The following GDAP2 variants were observed in gnomAD, a reference collection of about 807,000 sequenced individuals.
The protein encoded by GDAP2 is ganglioside induced differentiation associated protein 2, also known as ganglioside-induced differentiation-associated protein 2.
GDAP2 carries 51 observed loss-of-function variants against 67.0 expected under a neutral mutation model. That is an observed-to-expected ratio of 0.76 (90% CI 0.61 to 0.96). The LOEUF (loss-of-function observed/expected upper bound fraction) is 0.96, where lower values mean the gene tolerates loss of function less well. Among genes scored for constraint, GDAP2 ranks in the 40% least tolerant of loss-of-function variants. The probability of loss-of-function intolerance (pLI) is 0.00; values close to 1 mark genes in which losing one functional copy is unlikely to be tolerated. For synonymous variants in GDAP2, 203 were observed against 207.3 expected, an observed-to-expected ratio of 0.98 and a Z score of 0.18; for missense variants, 547 against 588.3, an observed-to-expected ratio of 0.93 and a Z score of 0.73.
intron 7 of GDAP2, among the ~76,000 whole-genome samples, chr1:117,898,671 A>G (rs1197488641): frequency 6.6e-6 from 1 of 152,182 alleles, no homozygotes; most frequent in African/African-American, 2.4e-5. Context: ...AACAAAATGA[A>G]TGGTTATAAT....
chr1:117,913,762 C>T (rs1223190807), intron 3 of GDAP2, among the ~76,000 whole-genome samples: 3 of 152,204 alleles, frequency 2.0e-5, no homozygotes, highest in South Asian at 2.1e-4. Context: ...CTGAATGCTT[C>T]GGTTCCCTCA....
In GDAP2 at chr1:117,923,927, C is replaced by T. The variant is rs145898724; in HGVS notation, c.-67-3503G>A. ...CTACAAGTCCCCCATCCAACCTTTC[C>T]TTTTCTGTAAAATTTATCTGCTGAA... On this transcript the variant is annotated intron_variant, in intron 1 of 13. Transcript: ENST00000369443. 8.8e-4 allele frequency among the ~76,000 whole-genome samples: 134 copies of T among 152,310 alleles called. 1 individual carries two copies. The East Asian group carries it at 0.014, about 16-fold the overall frequency.
At chr1:117,907,528 T>C (rs905243064) in intron 5 of GDAP2, among the ~76,000 whole-genome samples, 1 of 152,226 alleles carries the variant, frequency 6.6e-6, no homozygotes, top group African/African-American at 2.4e-5. Flanking sequence ...CCTTTTTACC[T>C]ACATTCCTTA....
rs192042033 is a variant in GDAP2 at position 117,908,250 on chromosome 1, G to A, written c.560-1668C>T. Among the ~76,000 whole-genome samples the A allele has an allele frequency of 7.0e-3, 1,060 of 152,060 alleles. 10 individuals carry two copies. Among genetic ancestry groups the A allele is most frequent in the Non-Finnish European group, 0.01 (689 of 67,984 alleles). On this transcript the variant is annotated intron_variant, in intron 5 of 13. Coordinates refer to ENST00000369443, the MANE Select transcript of GDAP2 (RefSeq NM_017686.4). ...CTAGACTAAGCTTTTTGAAGACCAA[G>A]TATATTTTATATTAATATTACTTTA...
At chr1:117,918,070 A>G in intron 3 of GDAP2, among the ~76,000 whole-genome samples, 1 of 152,208 alleles carries the variant, frequency 6.6e-6, no homozygotes, top group East Asian at 1.9e-4. Context: ...GTCAGTGTTA[A>G]ATGATAGAAG....
At chr1:117,926,990 C>A (rs1650470929) in intron 1 of GDAP2, among the ~76,000 whole-genome samples, 1 of 134,222 alleles carries the variant, frequency 7.5e-6, no homozygotes, top group Admixed American at 7.6e-5. Flanking sequence ...TAAACAAACA[C>A]TAAGCCCTAG....
chr1:117,871,105 T>A (rs1175392564), intron 13 of GDAP2, among the ~76,000 whole-genome samples: 1 of 152,164 alleles, frequency 6.6e-6, no homozygotes, highest in Non-Finnish European at 1.5e-5. Context: ...AATTTAGAGT[T>A]AGGAAAACAA....
At chr1:117,887,904 A>G in intron 8 of GDAP2, 130 bp from the exon 9 acceptor site, 1 of 602,776 alleles carries the variant, frequency 1.7e-6, no homozygotes, top group Non-Finnish European at 3.0e-6. Context: ...ATAGGGAAGG[A>G]GTTAAAGAAG....
intron 5 of GDAP2, among the ~76,000 whole-genome samples, chr1:117,910,611 G>A (rs960025817): frequency 6.6e-6 from 1 of 152,082 alleles, no homozygotes; most frequent in African/African-American, 2.4e-5. Flanking sequence ...TGGATATAAG[G>A]CTTTCAGCTC....
Position 117,886,623 on chromosome 1 carries a change from A to G in GDAP2, c.1061T>C (p.Val354Ala). ...TACAGGAATGTTTCTTCCAACTACC[A>G]CCATCACTGTTCGACCACAGTTATC... Reference protein sequence around the residue: ...GVDNCGRTVMVVVGRNIPVTL... With the variant: ...GVDNCGRTVMAVVGRNIPVTL... The change falls in exon 10 of 14, where the codon GTG (valine) becomes GCG (alanine). Residue 354 changes from valine (V) to alanine (A), a missense_variant. Transcript: ENST00000369443. The G allele has an allele frequency of 6.3e-7, 1 of 1,593,516 alleles. No homozygotes were observed. The highest frequency in any genetic ancestry group is 8.6e-7 in the Non-Finnish European group (1 of 1,161,526).
intron 5 of GDAP2, among the ~76,000 whole-genome samples, chr1:117,909,850 A>T (rs1649790288): frequency 1.3e-5 from 2 of 152,190 alleles, no homozygotes; most frequent in African/African-American, 4.8e-5. Context: ...TTGGACTGGT[A>T]GAATTAGAAC....
chr1:117,882,721 G>A (rs974246223), intron 11 of GDAP2, among the ~76,000 whole-genome samples: 15 of 152,112 alleles, frequency 9.9e-5, no homozygotes, highest in Admixed American at 9.8e-4. Context: ...GCTAATGAAA[G>A]CTTTAATATT....
chr1:117,876,454 G>C (rs372455129), intron 13 of GDAP2, among the ~76,000 whole-genome samples: 9 of 152,090 alleles, frequency 5.9e-5, no homozygotes, highest in African/African-American at 2.2e-4. Context: ...TTAGCCTCAG[G>C]TATTCCCTTA....
intron 13 of GDAP2, among the ~76,000 whole-genome samples, chr1:117,875,882 G>A (rs1328499874): frequency 6.6e-6 from 1 of 152,158 alleles, no homozygotes; most frequent in Non-Finnish European, 1.5e-5. Flanking sequence ...TATCTTGGAA[G>A]CAAATAATTT....
chr1:117,863,728 C>T lies in GDAP2; in HGVS notation c.*6841G>A, dbSNP rs942068758. 3.3e-5 allele frequency: 5 copies of T among 152,078 alleles called. No homozygotes were observed. The highest frequency in any genetic ancestry group is 1.9e-4 in the East Asian group (1 of 5,200). 9.4% of individuals were successfully genotyped at this position (152,078 alleles called of 1,614,324 possible). On this transcript the variant is annotated 3_prime_UTR_variant, in exon 14 of 14. Coordinates refer to ENST00000369443, the MANE Select transcript of GDAP2 (RefSeq NM_017686.4). ...TTAAATTATGTTTTATAAAAGCATG[C>T]GCTTTGGAGTCAGATCTGGATTTGA...
At position 117,897,067 on chromosome 1, in the gene GDAP2, A is replaced by G. The variant is rs528443437; in HGVS notation, c.797-78T>C. ...AAACATTGTGAATGCTGCAGTAAGG[A>G]TGACAGTGAGGTAACTCAAAAAACT... On this transcript the variant is annotated intron_variant, in intron 7 of 13. Transcript: ENST00000369443. 208 of 1,005,700 alleles carry G rather than the reference A, an allele frequency of 2.1e-4. 4 individuals are homozygous for G. In the South Asian group the frequency reaches 3.6e-3, roughly 18 times the overall value. The allele number at this position is 1,005,700 out of a possible 1,614,324, so 62.3% of individuals were successfully genotyped here. A position where few individuals can be genotyped will look rare whatever the true frequency, so the allele number is the denominator to read the frequency against.
chr1:117,906,626 C>G (rs777571846), intron 5 of GDAP2, 44 bp from the exon 6 acceptor site: 36 of 1,016,390 alleles, frequency 3.5e-5, no homozygotes, highest in Non-Finnish European at 5.1e-5. Context: ...TAAAAAATTA[C>G]TTATACATAA....
intron 8 of GDAP2, among the ~76,000 whole-genome samples, chr1:117,894,166 G>T (rs1649185938): frequency 6.6e-6 from 1 of 150,760 alleles, no homozygotes; most frequent in Non-Finnish European, 1.5e-5. Context: ...TTGAGACAGG[G>T]TCTCTCTCTT....
chr1:117,917,865 T>C (rs1296226516), intron 3 of GDAP2, among the ~76,000 whole-genome samples: 1 of 152,232 alleles, frequency 6.6e-6, no homozygotes, highest in Non-Finnish European at 1.5e-5. Flanking sequence ...TCCTTTCTAG[T>C]TTCTACATGT....
Sources: allele counts gnomAD v4.1 joint callset (sites outside exome capture counted in the v4.1 genomes callset), GRCh38; gene constraint gnomAD v4.1.1; transcripts MANE v1.5; gene names NCBI Gene and HGNC (gene_info 2026-07-23, HGNC 2026-07-21).